BCAS3: variants seen among roughly 807,000 people sequenced by gnomAD.
BCAS3 encodes BCAS4/BCAS3 fusion.
Under a neutral mutation model 116.1 loss-of-function variants are expected in BCAS3, and 53 were observed. The ratio of observed to expected loss-of-function variants is 0.46; its 90% CI spans 0.37 to 0.57. BCAS3 has a LOEUF of 0.57. Ranked by LOEUF, BCAS3 falls within the 20% of genes least tolerant of loss-of-function variation. BCAS3 has a pLI of 0.00. For missense variants in BCAS3, 917 were observed against 1,165.4 expected, an observed-to-expected ratio of 0.79 and a Z score of 3.10; for synonymous variants, 391 against 408.2, an observed-to-expected ratio of 0.96 and a Z score of 0.51.
intron 14 of BCAS3, among the ~76,000 whole-genome samples, chr17:60,959,675 A>T (rs2145300044): frequency 6.6e-6 from 1 of 152,310 alleles, no homozygotes; most frequent in Middle Eastern, 3.4e-3. Flanking sequence ...GTTGTTCAGG[A>T]TGATGTCCAG....
chr17:61,125,416 G>A (rs939452387), intron 22 of BCAS3, among the ~76,000 whole-genome samples: 1 of 152,130 alleles, frequency 6.6e-6, no homozygotes, highest in Non-Finnish European at 1.5e-5. Context: ...GAGCAAGGAT[G>A]AAGGACTAAT....
chr17:61,074,913 C>T lies in BCAS3; in HGVS notation c.2030-7C>T, dbSNP rs552612397. ...AGTGGTTTAAATCTATTTTCTTTCT[C>T]CTATAGTGGTTCCCCCTGGAAGTCC... On this transcript the variant is annotated splice_region_variant and splice_polypyrimidine_tract_variant and intron_variant, in intron 19 of 23. Transcript: ENST00000407086. 2 of 1,599,494 alleles carry T rather than the reference C, an allele frequency of 1.3e-6. No homozygotes were observed. Among genetic ancestry groups the T allele is most frequent in the East Asian group, 2.2e-5 (1 of 44,702 alleles).
Position 61,244,189 on chromosome 17 carries a change from A to G in BCAS3, c.2426-124138A>G, listed in dbSNP as rs1052671255. Among the ~76,000 whole-genome samples the G allele has an allele frequency of 3.3e-5, 5 of 152,244 alleles. No homozygotes were observed. Among genetic ancestry groups the G allele is most frequent in the Admixed American group, 1.3e-4 (2 of 15,278 alleles). On this transcript the variant is annotated intron_variant, in intron 22 of 23. Coordinates refer to ENST00000407086, the MANE Select transcript of BCAS3 (RefSeq NM_017679.5). The surrounding 1 kb of genome is among the most constrained non-coding windows in gnomAD (Gnocchi z 4.9). ...AAAAAGCTTAAGAAAAAACAGAAGA[A>G]AAAAGAAAACTAAAATCACTTGTAA...
intron 8 of BCAS3, among the ~76,000 whole-genome samples, chr17:60,871,850 GT>G (rs1599323190): frequency 6.6e-6 from 1 of 151,560 alleles, no homozygotes; most frequent in Non-Finnish European, 1.5e-5. Context: ...TGCCTTGTCT[GT>G]TTTTTTGTTT....
chr17:60,789,532 A>G (rs1402673415), intron 6 of BCAS3, among the ~76,000 whole-genome samples: 1 of 152,216 alleles, frequency 6.6e-6, no homozygotes, highest in African/African-American at 2.4e-5. Context: ...GATTTAGCAT[A>G]AAAGGAGTTT....
In BCAS3 at chr17:61,189,431, C is replaced by T. The variant is rs2079970574; in HGVS notation, c.2425+104867C>T. Among the ~76,000 whole-genome samples the T allele has an allele frequency of 6.6e-6, 1 of 152,178 alleles. No homozygotes were observed. Among genetic ancestry groups the T allele is most frequent in the Non-Finnish European group, 1.5e-5 (1 of 68,028 alleles). On this transcript the variant is annotated intron_variant, in intron 22 of 23. Coordinates refer to ENST00000407086, the MANE Select transcript of BCAS3 (RefSeq NM_017679.5). This position sits in a 1 kb window ranked among gnomAD's most constrained non-coding sequence, Gnocchi z 4.5. ...GTGTATTTTAGTTAAGGAACTTGGA[C>T]TTATATCCTATAAGGATGGAGAAGG...
At chr17:61,268,681 T>C (rs986154735) in intron 22 of BCAS3, among the ~76,000 whole-genome samples, 4 of 151,836 alleles carry the variant, frequency 2.6e-5, no homozygotes, top group African/African-American at 9.7e-5. Flanking sequence ...CCTCAGCCTC[T>C]TGAATACCTG....
intron 7 of BCAS3, among the ~76,000 whole-genome samples, chr17:60,857,565 A>G (rs553172330): frequency 4.6e-5 from 7 of 152,336 alleles, no homozygotes; most frequent in African/African-American, 1.4e-4. Flanking sequence ...CTATTTTAGT[A>G]TAACACCTTA....
rs141552771 is a variant in BCAS3, at chr17:60,821,039, C to T, written c.476+12963C>T. 1.2e-4 allele frequency among the ~76,000 whole-genome samples: 18 copies of T among 152,080 alleles called. 1 individual carries two copies. In the East Asian group the frequency reaches 3.1e-3, roughly 26 times the overall value. ...TCGGCTCACTGCAACCTCCGCCTCC[C>T]GGGTTCAAGTGATTCTCCTGCCTCA... On this transcript the variant is annotated intron_variant, in intron 7 of 23. Coordinates refer to ENST00000407086, the MANE Select transcript of BCAS3 (RefSeq NM_017679.5).
rs1482770996 is a variant in BCAS3 at position 60,713,577 on chromosome 17, TAG to T, written c.321+4255_321+4256del. On this transcript the variant is annotated intron_variant, in intron 5 of 23. Coordinates refer to ENST00000407086, the MANE Select transcript of BCAS3 (RefSeq NM_017679.5). ...TGGTTGTGTCTGTACTGAACACGTA[TAG>T]AGTTTTCTTTCTTGTCATTATTTCC... Among the ~76,000 whole-genome samples the T allele has an allele frequency of 5.3e-5, 8 of 152,344 alleles. No individual in the cohort carries two copies. The East Asian group carries it at 9.6e-4, about 18-fold the overall frequency.
At chr17:60,847,527 C>T (rs552370517) in intron 7 of BCAS3, among the ~76,000 whole-genome samples, 8 of 152,098 alleles carry the variant, frequency 5.3e-5, no homozygotes, top group Non-Finnish European at 1.2e-4. Context: ...AAATTATGAC[C>T]AACCTAGTGG....
At chr17:60,733,351 G>T (rs2040650684) in intron 5 of BCAS3, among the ~76,000 whole-genome samples, 1 of 152,048 alleles carries the variant, frequency 6.6e-6, no homozygotes, top group African/African-American at 2.4e-5. Flanking sequence ...ATGATTTTTG[G>T]AATAAGACCA....
intron 15 of BCAS3, among the ~76,000 whole-genome samples, chr17:61,000,942 T>G (rs576724162): frequency 1.3e-5 from 2 of 152,280 alleles, no homozygotes; most frequent in Non-Finnish European, 2.9e-5. Context: ...TGCAAATTAG[T>G]TTTCCATTTT....
At chr17:61,052,472 GC>G (rs1185258777) in intron 19 of BCAS3, among the ~76,000 whole-genome samples, 1 of 152,032 alleles carries the variant, frequency 6.6e-6, no homozygotes, top group Admixed American at 6.6e-5. Context: ...GTGTTAGAAG[GC>G]AGCAGATGAG....
At chr17:61,052,602 A>G (rs1410212869) in intron 19 of BCAS3, among the ~76,000 whole-genome samples, 1 of 152,176 alleles carries the variant, frequency 6.6e-6, no homozygotes, top group Non-Finnish European at 1.5e-5. Context: ...AATAACTATA[A>G]AAAGTCTTAC....
Position 61,132,609 on chromosome 17 carries a change from T to C in BCAS3, c.2425+48045T>C, listed in dbSNP as rs1328841267. On this transcript the variant is annotated intron_variant, in intron 22 of 23. Transcript: ENST00000407086. This position sits in a 1 kb window ranked among gnomAD's most constrained non-coding sequence, Gnocchi z 5.1. ...GTCAAAATGCCACATTCAGAATACT[T>C]AGAGAGGGAGAAAGATAAAGTGCCT... 6.6e-6 allele frequency among the ~76,000 whole-genome samples: 1 copy of C among 152,158 alleles called. No homozygotes were observed. Among genetic ancestry groups the C allele is most frequent in the Admixed American group, 6.5e-5 (1 of 15,272 alleles).
chr17:60,925,736 G>A (rs536974968), intron 13 of BCAS3, among the ~76,000 whole-genome samples: 1 of 152,070 alleles, frequency 6.6e-6, no homozygotes, highest in East Asian at 1.9e-4. Context: ...TCTTTTAAAT[G>A]ACCAATTTTC....
rs973667579 is a variant in BCAS3, at chr17:61,378,686, T to A, written c.2593+10192T>A. The A allele has an allele frequency of 6.6e-6, 1 of 152,224 alleles. No homozygotes were observed. The highest frequency in any genetic ancestry group is 1.5e-5 in the Non-Finnish European group (1 of 68,064). 9.4% of individuals were successfully genotyped at this position (152,224 alleles called of 1,614,324 possible). ...TGAGCCTCAGTTAATGTTTGTTGAGTGACTGGATGGGTTTCTGTGGCCCCT... is the reference window on the plus strand; with the variant it reads ...TGAGCCTCAGTTAATGTTTGTTGAGAGACTGGATGGGTTTCTGTGGCCCCT... On this transcript the variant is annotated intron_variant, in intron 23 of 23. Transcript: ENST00000407086. The surrounding 1 kb of genome is among the most constrained non-coding windows in gnomAD (Gnocchi z 5.8).
intron 14 of BCAS3, among the ~76,000 whole-genome samples, chr17:60,972,980 T>C (rs1013669283): frequency 1.9e-4 from 29 of 152,240 alleles, no homozygotes; most frequent in African/African-American, 6.0e-4. Flanking sequence ...AGCATTGCTC[T>C]TGGGTTTTCT....
Sources: allele counts gnomAD v4.1 joint callset (sites outside exome capture counted in the v4.1 genomes callset), GRCh38; gene constraint gnomAD v4.1.1; non-coding constraint Gnocchi (gnomAD v3.1); transcripts MANE v1.5; gene names NCBI Gene and HGNC (gene_info 2026-07-23, HGNC 2026-07-21).